The following NUP210 variants were observed in gnomAD, a reference collection of about 807,000 sequenced individuals.
NUP210 encodes nucleoporin 210.
A neutral mutation model predicts 196.0 loss-of-function variants in NUP210; 151 were observed. That is an observed-to-expected ratio of 0.77 (90% confidence interval 0.67 to 0.88). The LOEUF (loss-of-function observed/expected upper bound fraction) is 0.88. Among genes scored for constraint, NUP210 ranks in the 40% least tolerant of loss-of-function variants. NUP210 has a pLI of 0.00. For synonymous variants in NUP210, 1,070 were observed against 1,052.7 expected (o/e 1.02, Z -0.32); for missense variants, 2,314 against 2,493.7 (o/e 0.93, Z 1.53).
intron 9 of NUP210, among the ~76,000 whole-genome samples, chr3:13,376,962 C>A (rs956961897): frequency 2.0e-5 from 3 of 152,166 alleles, no homozygotes; most frequent in African/African-American, 7.2e-5. Flanking sequence ...AAGACTCCTG[C>A]ACATTTCCTC....
intron 14 of NUP210, among the ~76,000 whole-genome samples, chr3:13,365,062 C>T (rs1044011392): frequency 1.3e-5 from 2 of 152,132 alleles, no homozygotes; most frequent in Non-Finnish European, 2.9e-5. Context: ...CAGGAACTCC[C>T]CATCAACAAA....
rs781247463 is a variant in NUP210, at chr3:13,371,899, C to T, written c.1721G>A (p.Ser574Asn). The T allele has an allele frequency of 2.9e-5, 46 of 1,610,184 alleles. No individual in the cohort carries two copies. Among genetic ancestry groups the T allele is most frequent in the Middle Eastern group, 1.6e-4 (1 of 6,080 alleles). Residue 574 changes from serine (S) to asparagine (N), a missense_variant, in exon 13 of 40, where the codon AGC (serine) becomes AAC (asparagine). Coordinates refer to ENST00000254508, the MANE Select transcript of NUP210 (RefSeq NM_024923.4). ...AGCCAAGTCAAAGTGGGAGCAGTCG[C>T]TCAAGGTGACCACCTCACTGGCCCC... ...PGGASEVVTL[S>N]DCSHFDLAVE...
At chr3:13,415,543 G>T (rs1212194676) in intron 1 of NUP210, among the ~76,000 whole-genome samples, 1 of 152,182 alleles carries the variant, frequency 6.6e-6, no homozygotes, top group African/African-American at 2.4e-5. Context: ...AAATTGAGTG[G>T]TACAGGGGAA....
chr3:13,381,583 C>A (rs930397563), intron 6 of NUP210, among the ~76,000 whole-genome samples: 3 of 151,920 alleles, frequency 2.0e-5, no homozygotes, highest in Non-Finnish European at 4.4e-5. Flanking sequence ...GCCTTAGATA[C>A]CCCCTGTATC....
At chr3:13,390,292 T>C (rs1391547594) in intron 4 of NUP210, among the ~76,000 whole-genome samples, 1 of 152,138 alleles carries the variant, frequency 6.6e-6, no homozygotes, top group East Asian at 1.9e-4. Context: ...TGGCAGATTT[T>C]CTACAGGCCT....
At position 13,388,340 on chromosome 3, in the gene NUP210, G is replaced by A; in HGVS notation, c.647C>T (p.Ser216Phe). 1 of 1,612,380 alleles carries A rather than the reference G, an allele frequency of 6.2e-7. No individual in the cohort carries two copies. Among genetic ancestry groups the A allele is most frequent in the Non-Finnish European group, 8.5e-7 (1 of 1,179,368 alleles). The change falls in exon 5 of 40, where the codon TCC becomes TTC. Residue 216 changes from serine to phenylalanine, a missense_variant. Physicochemically the swap from Ser to Phe is radical, Grantham distance 155 (BLOSUM62 -2). Transcript: ENST00000254508. The stretch of plus-strand genomic sequence containing the variant: ...CTCCTGGATGCGAGCCTTGAGCTTG[G>A]AGCTCCCGGTCTTCATCCCAGACAC... The part of the protein sequence containing the change: ...ILVSGMKTGS[S>F]KLKARIQEAV...
chr3:13,373,116 G>A (rs1308825844), intron 12 of NUP210, among the ~76,000 whole-genome samples: 1 of 152,146 alleles, frequency 6.6e-6, no homozygotes, highest in Non-Finnish European at 1.5e-5. Context: ...ACCCCTTCCT[G>A]CCCCAAATGA....
intron 6 of NUP210, among the ~76,000 whole-genome samples, chr3:13,383,924 T>A (rs1699185702): frequency 6.6e-6 from 1 of 152,052 alleles, no homozygotes; most frequent in South Asian, 2.1e-4. Context: ...CCCATGCAAA[T>A]GGACCACCTC....
intron 4 of NUP210, among the ~76,000 whole-genome samples, chr3:13,389,435 C>T (rs1242040482): frequency 6.6e-6 from 1 of 152,342 alleles, no homozygotes; most frequent in Middle Eastern, 3.4e-3. Flanking sequence ...TTCCCTCCAG[C>T]TCTGTTTCCC....
At chr3:13,415,176 C>T (rs189901808) in intron 1 of NUP210, among the ~76,000 whole-genome samples, 3 of 152,268 alleles carry the variant, frequency 2.0e-5, no homozygotes, top group Non-Finnish European at 4.4e-5. Flanking sequence ...TGCAGTGTGC[C>T]GAGATCGTGC....
chr3:13,398,384 A>G (rs765469818), intron 2 of NUP210, among the ~76,000 whole-genome samples: 21 of 152,300 alleles, frequency 1.4e-4, no homozygotes, highest in South Asian at 1.2e-3. Flanking sequence ...CAAAGGTTGC[A>G]GTGAGCCAAG....
intron 20 of NUP210, among the ~76,000 whole-genome samples, chr3:13,349,752 A>G (rs1335389370): frequency 6.6e-6 from 1 of 152,232 alleles, no homozygotes; most frequent in Non-Finnish European, 1.5e-5. Flanking sequence ...GGAGAAGTCC[A>G]AGCCTAAGCA....
At chr3:13,318,014 G>C (rs1696343549) in intron 39 of NUP210, among the ~76,000 whole-genome samples, 1 of 152,208 alleles carries the variant, frequency 6.6e-6, no homozygotes. Flanking sequence ...GCCTTCCGGG[G>C]AGAACGTGTC....
chr3:13,392,785 G>C (rs1334882150), intron 3 of NUP210, among the ~76,000 whole-genome samples: 41 of 152,224 alleles, frequency 2.7e-4, no homozygotes, highest in Admixed American at 1.3e-4. Context: ...CACTGTCCGG[G>C]GGCAGAGCCA....
intron 31 of NUP210, 81 bp from the exon 32 acceptor site, chr3:13,327,518 C>T: frequency 9.4e-7 from 1 of 1,059,548 alleles, no homozygotes; most frequent in Non-Finnish European, 1.4e-6. Context: ...TAATCCATGT[C>T]CTCTGCTGAG....
At chr3:13,343,440 G>C in intron 20 of NUP210, 137 bp from the exon 21 acceptor site, 1 of 1,121,292 alleles carries the variant, frequency 8.9e-7, no homozygotes, top group Non-Finnish European at 1.3e-6. Context: ...GGCAGAGCCC[G>C]CCAGGCCAGC....
In NUP210 at chr3:13,323,202, G is replaced by A. The variant is rs1187448180; in HGVS notation, c.4768+107C>T. On this transcript the variant is annotated intron_variant, in intron 34 of 39. Coordinates refer to ENST00000254508, the MANE Select transcript of NUP210 (RefSeq NM_024923.4). The surrounding 1 kb of genome is among the most constrained non-coding windows in gnomAD (Gnocchi z 4.3). ...GGGCTAAATGCCCTCTCTGGAGTTG[G>A]TGTGAGTGTGAATAGGAGAAGCAGA... 1.4e-6 allele frequency: 2 copies of A among 1,396,764 alleles called. No individual in the cohort carries two copies. Among genetic ancestry groups the A allele is most frequent in the African/African-American group, 1.4e-5 (1 of 69,970 alleles). 86.5% of individuals were successfully genotyped at this position (1,396,764 alleles called of 1,614,324 possible). A position where few individuals can be genotyped will look rare whatever the true frequency, so the allele number is the denominator to read the frequency against.
chr3:13,367,565 T>C (rs937194191), intron 13 of NUP210, among the ~76,000 whole-genome samples: 3 of 152,174 alleles, frequency 2.0e-5, no homozygotes, highest in African/African-American at 7.2e-5. Flanking sequence ...CAGAATCTCC[T>C]GGAAACCCTT....
Position 13,327,112 on chromosome 3 carries a change from C to CT in NUP210, c.4507+104dup, listed in dbSNP as rs527752038. 8.8e-4 allele frequency: 717 copies of CT among 817,286 alleles called. 7 individuals carry two copies. The highest frequency in any genetic ancestry group is 4.8e-4 in the Non-Finnish European group (251 of 523,970). The allele number at this position is 817,286 out of a possible 1,614,324, so 50.6% of individuals were successfully genotyped here. On this transcript the variant is annotated intron_variant, in intron 32 of 39. Transcript: ENST00000254508. ...GCTCCTGAGTATCCTGCAGGTCTGCCTGTAGGCCCCCGTGACTGGTGCCGA... is the reference window on the plus strand; with the variant it reads ...GCTCCTGAGTATCCTGCAGGTCTGCCTTGTAGGCCCCCGTGACTGGTGCCGA...
Sources: gnomAD v4.1 joint callset for allele counts (sites outside exome capture counted in the v4.1 genomes callset) on GRCh38, gnomAD v4.1.1 for gene constraint, Gnocchi (gnomAD v3.1) non-coding constraint, MANE v1.5 for transcripts, NCBI Gene and HGNC (gene_info 2026-07-23, HGNC 2026-07-21) for gene names.